The following COL4A6 variants were observed in gnomAD, a reference collection of about 807,000 sequenced individuals.
COL4A6 encodes the protein collagen alpha-6(IV) chain.
A neutral mutation model predicts 126.7 loss-of-function variants in COL4A6; 59 were observed. The ratio of observed to expected loss-of-function variants is 0.47; its 90% CI spans 0.38 to 0.58. The LOEUF is 0.58. Among genes scored for constraint, COL4A6 ranks in the 20% least tolerant of loss-of-function variants. The pLI is 0.00. For synonymous variants in COL4A6, 547 were observed against 496.6 expected (o/e 1.10, Z -1.35); for missense variants, 1,285 against 1,337.3 (o/e 0.96, Z 0.61).
At chrX:108,351,401 T>C (rs1355451075) in intron 2 of COL4A6, among the ~76,000 whole-genome samples, 4 of 110,378 alleles carry the variant, frequency 3.6e-5, no homozygotes, top group Non-Finnish European at 7.6e-5. Context: ...TCTTTAAACA[T>C]ACAAATAAAC....
At chrX:108,179,153 G>A in intron 26 of COL4A6, 64 bp downstream of exon 26, 1 of 985,036 alleles carries the variant, frequency 1.0e-6, no homozygotes, top group Non-Finnish European at 1.4e-6. Flanking sequence ...AGTATTCATG[G>A]AAGTATACGA....
intron 5 of COL4A6, among the ~76,000 whole-genome samples, chrX:108,216,204 C>T (rs2035852256): frequency 1.8e-5 from 2 of 112,290 alleles, no homozygotes; most frequent in African/African-American, 6.5e-5. Context: ...TACCTGTTTA[C>T]ACTTTCCTAC....
In COL4A6 at chrX:108,339,961, C is replaced by T. The variant is rs149811845; in HGVS notation, c.64-29133G>A. Among the ~76,000 whole-genome samples, 813 of 111,368 alleles carry T rather than the reference C, an allele frequency of 7.3e-3. 4 individuals carry two copies. The highest frequency in any genetic ancestry group is 0.025 in the African/African-American group (779 of 30,671). On this transcript the variant is annotated intron_variant, in intron 2 of 44. Coordinates refer to ENST00000334504, the MANE Select transcript of COL4A6 (RefSeq NM_033641.4). ...TGGATAAACACCTTAGTCGATCCTC[C>T]TCCAAGCCCATGCCCAGGACCCTTA...
chrX:108,347,101 T>G (rs1362879426), intron 2 of COL4A6, among the ~76,000 whole-genome samples: 1 of 112,472 alleles, frequency 8.9e-6, no homozygotes. Context: ...AGCTCAGGGT[T>G]GTGGGTGGCC....
intron 3 of COL4A6, among the ~76,000 whole-genome samples, chrX:108,223,925 A>C (rs977799761): frequency 9.0e-6 from 1 of 111,382 alleles, no homozygotes; most frequent in Admixed American, 9.5e-5. Context: ...ACCCAAATCC[A>C]AGCCCTGACA....
At chrX:108,270,645 T>A (rs1280096296) in intron 3 of COL4A6, among the ~76,000 whole-genome samples, 2 of 112,492 alleles carry the variant, frequency 1.8e-5, no homozygotes, top group African/African-American at 6.5e-5. Flanking sequence ...AGCTAATTGA[T>A]ACATTAACTC....
chrX:108,278,977 G>C, intron 3 of COL4A6, among the ~76,000 whole-genome samples: 1 of 111,791 alleles, frequency 8.9e-6, no homozygotes, highest in Non-Finnish European at 1.9e-5. Context: ...TGCCCTACAA[G>C]AGATCCTGAA....
chrX:108,413,464 A>C (rs779728800), intron 2 of COL4A6, among the ~76,000 whole-genome samples: 1 of 110,161 alleles, frequency 9.1e-6, no homozygotes, highest in African/African-American at 3.3e-5. Context: ...TTTCTTTATT[A>C]TTATTATTTT....
chrX:108,196,488 C>G (rs1355701139), intron 14 of COL4A6, 23 bp downstream of exon 14: 8 of 1,189,424 alleles, frequency 6.7e-6, no homozygotes, highest in Non-Finnish European at 8.0e-6. Flanking sequence ...CAGACCCAGG[C>G]AAGTAACATT....
At chrX:108,373,268 GC>G (rs1232126159) in intron 2 of COL4A6, among the ~76,000 whole-genome samples, 1 of 111,381 alleles carries the variant, frequency 9.0e-6, no homozygotes. Context: ...AAATAAAGGG[GC>G]CTTCATAAGG....
Position 108,190,459 on chromosome X carries a change from C to T in COL4A6, c.1359G>A (p.Glu453=), listed in dbSNP as rs762620859. Residue 453 remains glutamate (E), a synonymous_variant, in exon 20 of 45, where the codon GAG becomes GAA. Coordinates refer to ENST00000334504, the MANE Select transcript of COL4A6 (RefSeq NM_033641.4). ...CTCCTCGGAGACCAGGGAACCCTGA[C>T]TCTTTGTTGTGTAGAGTTTCAGTCT... The part of the protein sequence containing the change: ...EFETETLHNK[E]SGFPGLRGEQ... 1.7e-6 allele frequency: 2 copies of T among 1,205,180 alleles called. No homozygotes were observed. Among genetic ancestry groups the T allele is most frequent in the Admixed American group, 4.4e-5 (2 of 45,779 alleles).
intron 2 of COL4A6, among the ~76,000 whole-genome samples, chrX:108,364,620 A>G: frequency 9.1e-6 from 1 of 109,951 alleles, no homozygotes; most frequent in Non-Finnish European, 1.9e-5. Flanking sequence ...ATCATTCCAC[A>G]CTCTAGGTTC....
At chrX:108,295,367 T>C (rs2038294139) in intron 3 of COL4A6, among the ~76,000 whole-genome samples, 1 of 112,084 alleles carries the variant, frequency 8.9e-6, no homozygotes, top group Admixed American at 9.4e-5. Flanking sequence ...TGACAAATAA[T>C]AGTAGAACTG....
chrX:108,283,526 A>G (rs943439542), intron 3 of COL4A6, among the ~76,000 whole-genome samples: 2 of 111,360 alleles, frequency 1.8e-5, no homozygotes, highest in Non-Finnish European at 3.8e-5. Flanking sequence ...GCCTTAGAGC[A>G]TCTGTACCTT....
At chrX:108,415,415 C>A (rs2041415418) in intron 2 of COL4A6, among the ~76,000 whole-genome samples, 1 of 111,893 alleles carries the variant, frequency 8.9e-6, no homozygotes, top group African/African-American at 3.3e-5. Context: ...GCAAGAAGAA[C>A]AGGAAATGCA....
intron 2 of COL4A6, among the ~76,000 whole-genome samples, chrX:108,386,914 A>G (rs1284375038): frequency 8.9e-6 from 1 of 111,952 alleles, no homozygotes; most frequent in Non-Finnish European, 1.9e-5. Flanking sequence ...GAAGGGATCC[A>G]GTTTCTGCTC....
In COL4A6 at chrX:108,179,355, T is replaced by G. The variant is rs2034607016; in HGVS notation, c.2215A>C (p.Ser739Arg). 5 of 1,209,292 alleles carry G rather than the reference T, an allele frequency of 4.1e-6. No individual in the cohort carries two copies. Among genetic ancestry groups the G allele is most frequent in the Non-Finnish European group, 5.6e-6 (5 of 894,996 alleles). Residue 739 changes from serine to arginine, a missense_variant, in exon 26 of 45, where the codon AGT becomes CGT. Physicochemically the swap from Ser to Arg is moderately radical, Grantham distance 110. Coordinates refer to ENST00000334504, the MANE Select transcript of COL4A6 (RefSeq NM_033641.4). ...GKDGLPGMIG[S>R]PGLPGSKGAT... ...CCCTTGGAACCAGGTAAGCCTGGAC[T>G]GCCAATCATCCCAGGCAAGCCATCT...
At chrX:108,237,591 T>C (rs1280742888) in intron 3 of COL4A6, among the ~76,000 whole-genome samples, 1 of 111,983 alleles carries the variant, frequency 8.9e-6, no homozygotes, top group African/African-American at 3.2e-5. Flanking sequence ...CTGGTTGGAG[T>C]TGATGTCTCC....
intron 22 of COL4A6, 35 bp downstream of exon 22, chrX:108,187,813 C>A: frequency 8.6e-7 from 1 of 1,162,712 alleles, no homozygotes; most frequent in Non-Finnish European, 1.2e-6. Context: ...GTGTGAAGAT[C>A]TGTAGAGCTA....
Sources: allele counts gnomAD v4.1 joint callset (sites outside exome capture counted in the v4.1 genomes callset), GRCh38; gene constraint gnomAD v4.1.1; transcripts MANE v1.5; gene names NCBI Gene and HGNC (gene_info 2026-07-23, HGNC 2026-07-21).